Variants in SNX10 observed in about 807,000 individuals in gnomAD.
SNX10 encodes sorting nexin-10.
Under a neutral mutation model 28.5 loss-of-function variants are expected in SNX10, and 25 were observed. The observed-to-expected ratio is 0.88, with a 90% CI of 0.64 to 1.22. The LOEUF (loss-of-function observed/expected upper bound fraction) is 1.22, where lower values mean the gene tolerates loss of function less well. Among genes scored for constraint, SNX10 ranks in the 50% most tolerant of loss-of-function variants. The pLI is 0.00. For synonymous variants in SNX10, 62 were observed against 81.4 expected (o/e 0.76, Z 1.28); for missense variants, 223 against 242.6 (o/e 0.92, Z 0.54).
intron 5 of SNX10, chr7:26,370,417 AAAG>A (rs1377365273): frequency 6.6e-6 from 1 of 152,214 alleles, no homozygotes; most frequent in African/African-American, 2.4e-5. Flanking sequence ...ACAGAGGGAA[AAAG>A]AAGGATTTAG....
At chr7:26,368,315 T>C (rs1395903947) in intron 5 of SNX10, among the ~76,000 whole-genome samples, 1 of 152,178 alleles carries the variant, frequency 6.6e-6, no homozygotes, top group Non-Finnish European at 1.5e-5. Flanking sequence ...GATTGTGAGA[T>C]TTTTCAAATA....
intron 1 of SNX10, among the ~76,000 whole-genome samples, chr7:26,304,776 A>G (rs1786518727): frequency 6.6e-6 from 1 of 152,250 alleles, no homozygotes; most frequent in Admixed American, 6.5e-5. Flanking sequence ...ATTTGATGCT[A>G]AATAGTGCAA....
Position 26,346,462 on chromosome 7 carries a change from A to C in SNX10, c.20A>C (p.Lys7Thr), listed in dbSNP as rs1405084389. The C allele has an allele frequency of 6.2e-7, 1 of 1,606,558 alleles. No individual in the cohort carries two copies. The highest frequency in any genetic ancestry group is 2.2e-5 in the East Asian group (1 of 44,852). ...CTGAAGATGTTTCCGGAACAACAGA[A>C]AGAGGTATGTCATCACAAATCCAAA... MFPEQQKEEFVSVWVRD... is the reference protein window; with the variant it reads MFPEQQTEEFVSVWVRD... Residue 7 changes from lysine to threonine, a missense_variant, in exon 2 of 7, where the codon AAA (lysine) becomes ACA (threonine). Coordinates refer to ENST00000338523, the MANE Select transcript of SNX10 (RefSeq NM_013322.3).
In SNX10 at chr7:26,325,574, C is replaced by T. The variant is rs1584119214; in HGVS notation, c.-23-20846C>T. Among the ~76,000 whole-genome samples, 3 of 149,712 alleles carry T rather than the reference C, an allele frequency of 2.0e-5. No individual in the cohort carries two copies. In the South Asian group the frequency reaches 6.4e-4, roughly 32 times the overall value. Reference sequence around the variant, plus strand: ...CTAACTTCAAGTGATCCGCCTGCCTCGGCCTCCCAAAGTGCTGGGATTATA... The same window carrying T: ...CTAACTTCAAGTGATCCGCCTGCCTTGGCCTCCCAAAGTGCTGGGATTATA... On this transcript the variant is annotated intron_variant, in intron 1 of 6. Transcript: ENST00000338523.
intron 2 of SNX10, among the ~76,000 whole-genome samples, chr7:26,347,826 G>T (rs910827562): frequency 6.6e-6 from 1 of 152,028 alleles, no homozygotes; most frequent in Non-Finnish European, 1.5e-5. Flanking sequence ...CTCCAGCCTG[G>T]GTGACAAAGC....
At chr7:26,310,873 T>C (rs1786813359) in intron 1 of SNX10, among the ~76,000 whole-genome samples, 2 of 151,898 alleles carry the variant, frequency 1.3e-5, no homozygotes, top group Non-Finnish European at 2.9e-5. Context: ...TTAGTAGAGA[T>C]GGCGTTTCAC....
chr7:26,351,674 T>G (rs900937852), intron 2 of SNX10, among the ~76,000 whole-genome samples: 2 of 125,840 alleles, frequency 1.6e-5, no homozygotes, highest in Non-Finnish European at 3.3e-5. Flanking sequence ...TTTTTTTTTT[T>G]GAGACCGAGT....
intron 2 of SNX10, among the ~76,000 whole-genome samples, chr7:26,351,963 T>G (rs992612868): frequency 6.6e-6 from 1 of 152,218 alleles, no homozygotes; most frequent in Non-Finnish European, 1.5e-5. Context: ...ACCAGCAATC[T>G]TAATGAAGTA....
intron 1 of SNX10, among the ~76,000 whole-genome samples, chr7:26,298,746 G>A (rs547154169): frequency 1.8e-4 from 28 of 152,288 alleles, no homozygotes; most frequent in African/African-American, 5.3e-4. Flanking sequence ...TATTTCTTAG[G>A]GTTTTGGAGG....
intron 1 of SNX10, among the ~76,000 whole-genome samples, chr7:26,325,227 G>A (rs1271570240): frequency 2.0e-5 from 3 of 148,664 alleles, no homozygotes; most frequent in African/African-American, 7.4e-5. Context: ...GTTCTCCTTT[G>A]CCTTTCCCAA....
At chr7:26,323,641 A>G (rs1375985136) in intron 1 of SNX10, among the ~76,000 whole-genome samples, 1 of 152,128 alleles carries the variant, frequency 6.6e-6, no homozygotes, top group Non-Finnish European at 1.5e-5. Context: ...AAGCCATTGG[A>G]GGGCTTTACG....
chr7:26,357,006 G>T, intron 2 of SNX10: 1 of 1,100,576 alleles, frequency 9.1e-7, no homozygotes, highest in South Asian at 1.8e-5. Flanking sequence ...TATTCCTACA[G>T]GCATTTATTT....
intron 1 of SNX10, among the ~76,000 whole-genome samples, chr7:26,301,019 CAAAA>C (rs1170123330): frequency 7.0e-4 from 7 of 9,996 alleles, no homozygotes; most frequent in Non-Finnish European, 1.3e-3. Context: ...ACTCTGTCTC[CAAAA>C]AAAAAAAAAA....
At chr7:26,306,150 C>T (rs750098631) in intron 1 of SNX10, among the ~76,000 whole-genome samples, 17 of 152,116 alleles carry the variant, frequency 1.1e-4, no homozygotes, top group Non-Finnish European at 1.9e-4. Context: ...GCGATCCACC[C>T]GCATTGGCCT....
intron 2 of SNX10, among the ~76,000 whole-genome samples, chr7:26,348,761 C>T (rs1414043260): frequency 6.6e-6 from 1 of 152,218 alleles, no homozygotes. Flanking sequence ...ACCTACCACT[C>T]CAGTGCACTT....
At chr7:26,335,117 G>A (rs534457730) in intron 1 of SNX10, among the ~76,000 whole-genome samples, 15 of 152,324 alleles carry the variant, frequency 9.8e-5, no homozygotes, top group African/African-American at 2.9e-4. Flanking sequence ...TGCTGGACAC[G>A]GAAGCCACTG....
intron 1 of SNX10, among the ~76,000 whole-genome samples, chr7:26,319,430 G>T (rs886552614): frequency 2.0e-5 from 3 of 152,106 alleles, no homozygotes; most frequent in Non-Finnish European, 4.4e-5. Flanking sequence ...AAATCTATCT[G>T]GGAGCTGCTT....
intron 2 of SNX10, among the ~76,000 whole-genome samples, chr7:26,353,460 T>TTTTGG (rs1788689204): frequency 1.4e-4 from 12 of 83,440 alleles, no homozygotes; most frequent in South Asian, 5.1e-4. Context: ...TTTTTTTTTT[T>TTTTGG]GGTGGGGAGA....
At chr7:26,305,661 T>C (rs928351701) in intron 1 of SNX10, among the ~76,000 whole-genome samples, 11 of 152,250 alleles carry the variant, frequency 7.2e-5, no homozygotes, top group African/African-American at 2.6e-4. Context: ...TGTTGGGAAA[T>C]CAGCTTAAAG....
Sources: gnomAD v4.1 joint callset for allele counts (sites outside exome capture counted in the v4.1 genomes callset) on GRCh38, gnomAD v4.1.1 for gene constraint, MANE v1.5 for transcripts, NCBI Gene and HGNC (gene_info 2026-07-23, HGNC 2026-07-21) for gene names.